Variants in RNF214 observed in about 807,000 individuals in gnomAD.
The protein encoded by RNF214 is ring finger protein 214.
RNF214 carries 25 observed loss-of-function variants against 75.9 expected under a neutral mutation model. The ratio of observed to expected loss-of-function variants is 0.33; its 90% CI spans 0.24 to 0.46. The LOEUF is 0.46. Ranked by LOEUF, RNF214 falls within the 20% of genes least tolerant of loss-of-function variation. The pLI is 1.00. For missense variants in RNF214, 725 were observed against 857.5 expected (o/e 0.85, Z 1.93); for synonymous variants, 314 against 308.8 (o/e 1.02, Z -0.18).
At chr11:117,237,740 A>G (rs947417163) in intron 2 of RNF214, among the ~76,000 whole-genome samples, 2 of 152,186 alleles carry the variant, frequency 1.3e-5, no homozygotes, top group Non-Finnish European at 2.9e-5. Context: ...AATGTTAAGC[A>G]TATGTATACT....
In RNF214 at chr11:117,280,268, C is replaced by G; in HGVS notation, c.1145+9C>G. 1 of 1,538,374 alleles carries G rather than the reference C, an allele frequency of 6.5e-7. No individual in the cohort carries two copies. Among genetic ancestry groups the G allele is most frequent in the Non-Finnish European group, 9.0e-7 (1 of 1,112,174 alleles). ...CACCTTACTTACCTCAAGTAAGTAC[C>G]TTTCCGTTCTAGAGCTTTAATTGTT... On this transcript the variant is annotated intron_variant, in intron 8 of 14. Coordinates refer to ENST00000300650, the MANE Select transcript of RNF214 (RefSeq NM_207343.4).
At chr11:117,237,414 G>A (rs1439851927) in intron 2 of RNF214, among the ~76,000 whole-genome samples, 1 of 152,156 alleles carries the variant, frequency 6.6e-6, no homozygotes, top group Non-Finnish European at 1.5e-5. Context: ...TTTTGAACTA[G>A]TACGACTGAG....
Position 117,238,893 on chromosome 11 carries a change from TCTCTTAA to T in RNF214, c.401_407del (p.Ser134TrpfsTer25). Reference sequence around the variant, plus strand: ...GGAGAGCCTCCATCCAGTCACTCGGTCTCTTAAGGCAGGGTGCCATACTAAGCAGCTT... The same window carrying T: ...GGAGAGCCTCCATCCAGTCACTCGGTGGCAGGGTGCCATACTAAGCAGCTT... On this transcript the variant is annotated frameshift_variant, in exon 3 of 15. Transcript: ENST00000300650. LOFTEE classifies it high-confidence loss of function. 1.2e-6 allele frequency: 2 copies of T among 1,614,092 alleles called. No individual in the cohort carries two copies. The highest frequency in any genetic ancestry group is 1.7e-6 in the Non-Finnish European group (2 of 1,180,006).
At chr11:117,273,572 T>TG (rs1442045767) in intron 6 of RNF214, among the ~76,000 whole-genome samples, 1 of 152,202 alleles carries the variant, frequency 6.6e-6, no homozygotes, top group Admixed American at 6.5e-5. Context: ...CAAGTTTATA[T>TG]GACCACTGTG....
chr11:117,246,561 A>AT (rs1165793866), intron 5 of RNF214, among the ~76,000 whole-genome samples: 2 of 152,198 alleles, frequency 1.3e-5, no homozygotes. Context: ...AGTATATTTC[A>AT]TTTTTGAACA....
rs2034235846 is a variant in RNF214 at position 117,285,507 on chromosome 11, TG to T, written c.*358del. ...CTGTTGCTCTAAGGCCATTCTGCTT[TG>T]GTTTGGCTCAGCCTCTAGTCCATTT... is the stretch of plus-strand genomic sequence containing the variant. On this transcript the variant is annotated 3_prime_UTR_variant, in exon 15 of 15. Coordinates refer to ENST00000300650, the MANE Select transcript of RNF214 (RefSeq NM_207343.4). The T allele has an allele frequency of 5.6e-6, 1 of 179,184 alleles. No individual in the cohort carries two copies. Among genetic ancestry groups the T allele is most frequent in the South Asian group, 1.2e-4 (1 of 8,354 alleles). 11.1% of individuals were successfully genotyped at this position (179,184 alleles called of 1,614,324 possible). A position where few individuals can be genotyped will look rare whatever the true frequency, so the allele number is the denominator to read the frequency against.
chr11:117,274,321 G>A (rs2033967132), intron 6 of RNF214, among the ~76,000 whole-genome samples: 1 of 150,762 alleles, frequency 6.6e-6, no homozygotes, highest in Non-Finnish European at 1.5e-5. Flanking sequence ...GGGGAGAGAG[G>A]AGAAAGCCCC....
In RNF214 at chr11:117,282,476, A is replaced by G. The variant is rs1565349493; in HGVS notation, c.1785A>G (p.Glu595=). The G allele has an allele frequency of 6.2e-7, 1 of 1,614,214 alleles. No homozygotes were observed. The highest frequency in any genetic ancestry group is 1.3e-5 in the African/African-American group (1 of 75,054). ...RTTMAGLTME[E]LIQLVAARLA... ...CCATGGCAGGCCTGACCATGGAGGAACTTATCCAGTTGGTTGCTGCACGAC... is the reference window on the plus strand; with the variant it reads ...CCATGGCAGGCCTGACCATGGAGGAGCTTATCCAGTTGGTTGCTGCACGAC... Residue 595 remains glutamate, a synonymous_variant, in exon 12 of 15, where the codon GAA becomes GAG. Transcript: ENST00000300650.
chr11:117,282,790 A>T lies in RNF214; in HGVS notation c.1890A>T (p.Gln630His). ...CCTTGTTCCCTGCTCCACTGGCCCA[A>T]ATCAGTACCCCAATGTTCTTGCCTT... ...IRALFPAPLA[Q>H]ISTPMFLPSA... is the part of the protein sequence containing the mutation. The change falls in exon 13 of 15, where the codon CAA (glutamine) becomes CAT (histidine). Residue 630 changes from glutamine to histidine, a missense_variant. By Grantham distance (24) the Gln-to-His change is conservative. Coordinates refer to ENST00000300650, the MANE Select transcript of RNF214 (RefSeq NM_207343.4). 5 of 1,614,066 alleles carry T rather than the reference A, an allele frequency of 3.1e-6. No homozygotes were observed. Among genetic ancestry groups the T allele is most frequent in the Non-Finnish European group, 4.2e-6 (5 of 1,180,030 alleles).
intron 1 of RNF214, 100 bp from the exon 2 acceptor site, chr11:117,234,167 A>G: frequency 4.8e-6 from 4 of 835,022 alleles, no homozygotes; most frequent in Non-Finnish European, 5.9e-6. Flanking sequence ...GTGTTTCTTT[A>G]CTGCGACAGC....
In RNF214 at chr11:117,239,880, T is replaced by C. The variant is rs750687264; in HGVS notation, c.678+20T>C. ...AATTTGGTAAGTATTTAAACTGTCC[T>C]TGTTATATGAAGCCATTATCAAATA... On this transcript the variant is annotated intron_variant, in intron 4 of 14. Transcript: ENST00000300650. The C allele has an allele frequency of 7.8e-7, 1 of 1,287,080 alleles. No individual in the cohort carries two copies. Among genetic ancestry groups the C allele is most frequent in the Non-Finnish European group, 1.1e-6 (1 of 883,450 alleles). 79.7% of individuals were successfully genotyped at this position (1,287,080 alleles called of 1,614,324 possible). A position where few individuals can be genotyped will look rare whatever the true frequency, so the allele number is the denominator to read the frequency against.
intron 6 of RNF214, among the ~76,000 whole-genome samples, chr11:117,264,420 A>G (rs1444038454): frequency 1.3e-5 from 2 of 152,162 alleles, no homozygotes; most frequent in African/African-American, 4.8e-5. Context: ...CAATATACTC[A>G]TCTTGAAATA....
intron 6 of RNF214, among the ~76,000 whole-genome samples, chr11:117,262,440 A>G (rs777276372): frequency 2.0e-4 from 31 of 151,538 alleles, no homozygotes; most frequent in African/African-American, 4.9e-4. Flanking sequence ...GGATGCAGTG[A>G]TATGTCATAG....
At chr11:117,237,191 C>T (rs1478280489) in intron 2 of RNF214, among the ~76,000 whole-genome samples, 1 of 152,208 alleles carries the variant, frequency 6.6e-6, no homozygotes, top group African/African-American at 2.4e-5. Flanking sequence ...GCAGTCCTCT[C>T]ACTTCAGCCT....
chr11:117,247,367 T>A (rs912443073), intron 6 of RNF214, among the ~76,000 whole-genome samples: 125 of 152,244 alleles, frequency 8.2e-4, no homozygotes, highest in Admixed American at 2.4e-3. Context: ...TGGTGGCACG[T>A]GGCTGTAGTC....
chr11:117,280,900 C>T (rs1305852196), intron 8 of RNF214, among the ~76,000 whole-genome samples: 1 of 151,566 alleles, frequency 6.6e-6, no homozygotes, highest in African/African-American at 2.4e-5. Context: ...TGGGCTTCTC[C>T]TGCACCTGCT....
In RNF214 at chr11:117,274,583, A is replaced by G. The variant is rs528563431; in HGVS notation, c.960-5325A>G. 7.9e-4 allele frequency among the ~76,000 whole-genome samples: 120 copies of G among 151,232 alleles called. 1 individual carries two copies. The highest frequency in any genetic ancestry group is 2.6e-3 in the African/African-American group (106 of 41,242). ...AGGTTTCACCCTGTTGGGCCAGGCT[A>G]GTCTCGAACTCCTGACCTTAGGTTA... On this transcript the variant is annotated intron_variant, in intron 6 of 14. Transcript: ENST00000300650.
At chr11:117,235,138 A>G (rs1300546949) in intron 2 of RNF214, among the ~76,000 whole-genome samples, 2 of 152,270 alleles carry the variant, frequency 1.3e-5, no homozygotes, top group African/African-American at 4.8e-5. Context: ...GTACATGTTC[A>G]GTACAGATGC....
At chr11:117,251,721 G>C (rs1478418654) in intron 6 of RNF214, among the ~76,000 whole-genome samples, 1 of 152,160 alleles carries the variant, frequency 6.6e-6, no homozygotes, top group African/African-American at 2.4e-5. Context: ...AGAAAAGCAA[G>C]CAAGACGTGA....
Sources: allele counts gnomAD v4.1 joint callset (sites outside exome capture counted in the v4.1 genomes callset), GRCh38; gene constraint gnomAD v4.1.1; transcripts MANE v1.5; gene names NCBI Gene and HGNC (gene_info 2026-07-23, HGNC 2026-07-21).